Variants in PDGFB observed in about 807,000 individuals in gnomAD.
PDGFB encodes the protein platelet derived growth factor subunit B.
A neutral mutation model predicts 29.0 loss-of-function variants in PDGFB; 6 were observed. The ratio of observed to expected loss-of-function variants is 0.21; its 90% CI spans 0.11 to 0.41. The LOEUF (loss-of-function observed/expected upper bound fraction) is 0.41. Among genes scored for constraint, PDGFB ranks in the 10% least tolerant of loss-of-function variants. The pLI is 1.00. For missense variants in PDGFB, 299 were observed against 341.8 expected, an observed-to-expected ratio of 0.87 and a Z score of 0.99; for synonymous variants, 144 against 140.8, an observed-to-expected ratio of 1.02 and a Z score of -0.16.
At position 39,243,738 on chromosome 22, in the gene PDGFB, C is replaced by G. The variant is rs1209608116; in HGVS notation, c.63+163G>C. 1.3e-5 allele frequency among the ~76,000 whole-genome samples: 2 copies of G among 152,150 alleles called. No individual in the cohort carries two copies. The highest frequency in any genetic ancestry group is 2.9e-5 in the Non-Finnish European group (2 of 68,014). On this transcript the variant is annotated intron_variant, in intron 1 of 6. Coordinates refer to ENST00000331163, the MANE Select transcript of PDGFB (RefSeq NM_002608.4). This position sits in a 1 kb window ranked among gnomAD's most constrained non-coding sequence, Gnocchi z 6.4. ...TGTTGCCTTCCCTTAGAGCCTGTCA[C>G]CCCCGGACCTCGCTCCCAGCCCGAA...
intron 5 of PDGFB, 73 bp from the exon 6 acceptor site, chr22:39,225,920 G>C: frequency 1.3e-6 from 2 of 1,513,152 alleles, no homozygotes; most frequent in Non-Finnish European, 1.8e-6. Context: ...ACCAAGGCCT[G>C]CCATGGACCT....
At position 39,243,750 on chromosome 22, in the gene PDGFB, G is replaced by T; in HGVS notation, c.63+151C>A. 1.8e-6 allele frequency: 1 copy of T among 555,232 alleles called. No homozygotes were observed. Among genetic ancestry groups the T allele is most frequent in the Non-Finnish European group, 3.2e-6 (1 of 314,918 alleles). The allele number at this position is 555,232 out of a possible 1,614,324, so 34.4% of individuals were successfully genotyped here. A position where few individuals can be genotyped will look rare whatever the true frequency, so the allele number is the denominator to read the frequency against. ...TTAGAGCCTGTCACCCCCGGACCTCGCTCCCAGCCCGAAGAGGTCACCCAG... is the reference window on the plus strand; with the variant it reads ...TTAGAGCCTGTCACCCCCGGACCTCTCTCCCAGCCCGAAGAGGTCACCCAG... On this transcript the variant is annotated intron_variant, in intron 1 of 6. Coordinates refer to ENST00000331163, the MANE Select transcript of PDGFB (RefSeq NM_002608.4). The surrounding 1 kb of genome is among the most constrained non-coding windows in gnomAD (Gnocchi z 6.4).
chr22:39,242,640 C>G lies in PDGFB; in HGVS notation c.63+1261G>C, dbSNP rs1932594830. Among the ~76,000 whole-genome samples, 1 of 151,822 alleles carries G rather than the reference C, an allele frequency of 6.6e-6. No homozygotes were observed. The highest frequency in any genetic ancestry group is 1.5e-5 in the Non-Finnish European group (1 of 67,876). On this transcript the variant is annotated intron_variant, in intron 1 of 6. Coordinates refer to ENST00000331163, the MANE Select transcript of PDGFB (RefSeq NM_002608.4). This position sits in a 1 kb window ranked among gnomAD's most constrained non-coding sequence, Gnocchi z 5.7. The stretch of plus-strand genomic sequence containing the variant: ...GAGCCCCGAGAACAAAAGGAGACGG[C>G]GACGGCTCCTCCGTGGTCAAAACAA...
intron 1 of PDGFB, among the ~76,000 whole-genome samples, chr22:39,239,324 G>A (rs1158775414): frequency 6.6e-6 from 1 of 152,052 alleles, no homozygotes; most frequent in African/African-American, 2.4e-5. Context: ...CCTTGTGCTG[G>A]GCCACAGGAA....
intron 1 of PDGFB, among the ~76,000 whole-genome samples, chr22:39,237,133 G>A (rs775719829): frequency 4.6e-5 from 7 of 152,084 alleles, no homozygotes; most frequent in Non-Finnish European, 8.8e-5. Context: ...GGGGAGCGAG[G>A]GAGAGGAGAA....
chr22:39,234,162 C>T lies in PDGFB; in HGVS notation c.161-638G>A, dbSNP rs572046887. Among the ~76,000 whole-genome samples the T allele has an allele frequency of 4.6e-5, 7 of 152,290 alleles. No individual in the cohort carries two copies. In the East Asian group the frequency reaches 7.7e-4, roughly 17 times the overall value. On this transcript the variant is annotated intron_variant, in intron 2 of 6. Transcript: ENST00000331163. ...CTCTCTAGCTCCGGGGCCCTCACAC[C>T]GTATCTGTATCTGTGTCTGTCTCCC...
chr22:39,233,096 G>C (rs1374177497), intron 3 of PDGFB, among the ~76,000 whole-genome samples: 2 of 152,206 alleles, frequency 1.3e-5, no homozygotes, highest in African/African-American at 4.8e-5. Flanking sequence ...CCGCTCCCTA[G>C]CAGTGTGACC....
chr22:39,240,854 C>T lies in PDGFB; in HGVS notation c.63+3047G>A, dbSNP rs144859499. The T allele has an allele frequency of 1.2e-5, 19 of 1,613,772 alleles. No homozygotes were observed. The highest frequency in any genetic ancestry group is 6.7e-5 in the African/African-American group (5 of 74,990). ...AAGACAAGACGTGGAGAGGTACTTA[C>T]GAGGCCCATGATAAACATCTCACCA... On this transcript the variant is annotated intron_variant, in intron 1 of 6. Coordinates refer to ENST00000331163, the MANE Select transcript of PDGFB (RefSeq NM_002608.4).
intron 1 of PDGFB, among the ~76,000 whole-genome samples, chr22:39,239,260 AGGAGT>A (rs1932513786): frequency 6.6e-6 from 1 of 152,126 alleles, no homozygotes; most frequent in Non-Finnish European, 1.5e-5. Context: ...GAGGATGACA[AGGAGT>A]GGGTGGAGAG....
intron 5 of PDGFB, among the ~76,000 whole-genome samples, chr22:39,228,893 A>AAAAATATATATAT (rs1184799325): frequency 7.5e-6 from 1 of 132,520 alleles, no homozygotes; most frequent in Non-Finnish European, 1.7e-5. Context: ...CCTCAAAAAA[A>AAAAATATATATAT]ATATATATAT....
chr22:39,244,401 A>C lies in PDGFB; in HGVS notation c.-438T>G. 5.3e-6 allele frequency: 1 copy of C among 187,804 alleles called. No individual in the cohort carries two copies. The allele number at this position is 187,804 out of a possible 1,614,324, so 11.6% of individuals were successfully genotyped here. ...TGCCCGCCGGCTTAGCTTTTTTGCA[A>C]CATTTTCTGGAAAGGCCCCCAAAAT... On this transcript the variant is annotated 5_prime_UTR_variant, in exon 1 of 7. Coordinates refer to ENST00000331163, the MANE Select transcript of PDGFB (RefSeq NM_002608.4). The surrounding 1 kb of genome is among the most constrained non-coding windows in gnomAD (Gnocchi z 4.5).
Position 39,243,682 on chromosome 22 carries a change from T to A in PDGFB, c.63+219A>T, listed in dbSNP as rs1026075616. ...ACACGGAACGGCTTAGGGAGCCAGA[T>A]TCGCCCGCCGGTTGGAAAGAAAGCC... On this transcript the variant is annotated intron_variant, in intron 1 of 6. Coordinates refer to ENST00000331163, the MANE Select transcript of PDGFB (RefSeq NM_002608.4). The surrounding 1 kb of genome is among the most constrained non-coding windows in gnomAD (Gnocchi z 6.4). 2.6e-5 allele frequency among the ~76,000 whole-genome samples: 4 copies of A among 152,050 alleles called. No homozygotes were observed. Among genetic ancestry groups the A allele is most frequent in the African/African-American group, 9.7e-5 (4 of 41,400 alleles).
chr22:39,226,716 C>A (rs1433374883), intron 5 of PDGFB, among the ~76,000 whole-genome samples: 2 of 152,208 alleles, frequency 1.3e-5, no homozygotes, highest in Non-Finnish European at 2.9e-5. Flanking sequence ...CAGCCCCGTC[C>A]GATCACGTGG....
rs567174916 is a variant in PDGFB at position 39,230,673 on chromosome 22, G to A, written c.457-445C>T. ...CCATCCATAGAGCTGGAAGCATCGAGGACAGGAGATACCACGAGAGTGGGC... is the reference window on the plus strand; with the variant it reads ...CCATCCATAGAGCTGGAAGCATCGAAGACAGGAGATACCACGAGAGTGGGC... On this transcript the variant is annotated intron_variant, in intron 4 of 6. Transcript: ENST00000331163. Among the ~76,000 whole-genome samples, 4 of 152,362 alleles carry A rather than the reference G, an allele frequency of 2.6e-5. No homozygotes were observed. The South Asian group carries it at 8.3e-4, about 32-fold the overall frequency.
chr22:39,226,120 A>G (rs1932159971), intron 5 of PDGFB, among the ~76,000 whole-genome samples: 1 of 152,176 alleles, frequency 6.6e-6, no homozygotes, highest in South Asian at 2.1e-4. Context: ...GGAATAAATG[A>G]CAGTATGCTG....
intron 4 of PDGFB, among the ~76,000 whole-genome samples, chr22:39,230,776 C>G (rs538842258): frequency 6.6e-6 from 1 of 152,204 alleles, no homozygotes. Flanking sequence ...GGAGAGGCCA[C>G]GGGCTGGTGG....
rs902583592 is a variant in PDGFB, at chr22:39,244,545, G to C, written c.-582C>G. On this transcript the variant is annotated 5_prime_UTR_variant, in exon 1 of 7. Transcript: ENST00000331163. This position sits in a 1 kb window ranked among gnomAD's most constrained non-coding sequence, Gnocchi z 4.5. Reference sequence around the variant, plus strand: ...CAGGGAGAGGTGCAAACTCCCGCCCGGGCCGGGTAGGGGGGCGGGAGCGTG... The same window carrying C: ...CAGGGAGAGGTGCAAACTCCCGCCCCGGCCGGGTAGGGGGGCGGGAGCGTG... The C allele has an allele frequency of 1.2e-5, 2 of 163,472 alleles. No individual in the cohort carries two copies. Among genetic ancestry groups the C allele is most frequent in the Non-Finnish European group, 2.7e-5 (2 of 74,782 alleles). The allele number at this position is 163,472 out of a possible 1,614,324, so 10.1% of individuals were successfully genotyped here. A position where few individuals can be genotyped will look rare whatever the true frequency, so the allele number is the denominator to read the frequency against.
chr22:39,233,623 C>T (rs1032660399), intron 2 of PDGFB, 99 bp from the exon 3 acceptor site: 4 of 729,236 alleles, frequency 5.5e-6, no homozygotes, highest in African/African-American at 1.8e-5. Flanking sequence ...GCCTCTCCCC[C>T]ACTCCAGAGA....
chr22:39,234,429 G>A (rs1932391032), intron 2 of PDGFB, among the ~76,000 whole-genome samples: 1 of 152,202 alleles, frequency 6.6e-6, no homozygotes, highest in Admixed American at 6.5e-5. Context: ...TCATGGGTGA[G>A]GAGCCACAAA....
Sources: gnomAD v4.1 joint callset for allele counts (sites outside exome capture counted in the v4.1 genomes callset) on GRCh38, gnomAD v4.1.1 for gene constraint, Gnocchi (gnomAD v3.1) non-coding constraint, MANE v1.5 for transcripts, NCBI Gene and HGNC (gene_info 2026-07-23, HGNC 2026-07-21) for gene names.